Variants in TMOD2 observed in about 807,000 individuals in gnomAD.
The protein encoded by TMOD2 is tropomodulin 2, also known as tropomodulin-2.
A neutral mutation model predicts 39.9 loss-of-function variants in TMOD2; 22 were observed. That is an observed-to-expected ratio of 0.55 (90% CI 0.39 to 0.79). The LOEUF is 0.79. Among genes scored for constraint, TMOD2 ranks in the 30% least tolerant of loss-of-function variants. The pLI, the probability that TMOD2 is intolerant of heterozygous loss-of-function variation, is 0.00. For synonymous variants in TMOD2, 123 were observed against 146.1 expected (o/e 0.84, Z 1.14); for missense variants, 386 against 413.3 (o/e 0.93, Z 0.57).
At position 51,816,139 on chromosome 15, in the gene TMOD2, C is replaced by T. The variant is rs2056187074; in HGVS notation, c.*7685C>T. 6.6e-6 allele frequency: 1 copy of T among 152,132 alleles called. No individual in the cohort carries two copies. Among genetic ancestry groups the T allele is most frequent in the South Asian group, 2.1e-4 (1 of 4,820 alleles). 9.4% of individuals were successfully genotyped at this position (152,132 alleles called of 1,614,324 possible). A position where few individuals can be genotyped will look rare whatever the true frequency, so the allele number is the denominator to read the frequency against. On this transcript the variant is annotated 3_prime_UTR_variant, in exon 10 of 10. Coordinates refer to ENST00000249700, the MANE Select transcript of TMOD2 (RefSeq NM_014548.4). ...TAAAGTATGAAATATTATACTTTTA[C>T]CCTGGATAATTATTCAGGACCCCAG...
intron 1 of TMOD2, chr15:51,752,539 G>A (rs938235728): frequency 2.6e-5 from 4 of 152,196 alleles, no homozygotes; most frequent in Non-Finnish European, 4.4e-5. Context: ...AAGATCGGGG[G>A]AGGTGTTTTA....
chr15:51,759,156 AT>A (rs2055762243), intron 1 of TMOD2, among the ~76,000 whole-genome samples: 2 of 152,120 alleles, frequency 1.3e-5, no homozygotes, highest in African/African-American at 4.8e-5. Context: ...TAAGGACAGG[AT>A]TTGGTGATTG....
intron 7 of TMOD2, among the ~76,000 whole-genome samples, chr15:51,795,563 CT>C (rs2056042811): frequency 2.4e-5 from 2 of 82,782 alleles, no homozygotes; most frequent in Non-Finnish European, 4.8e-5. Flanking sequence ...TTCTTCTCTT[CT>C]GCTTGCTTGC....
At chr15:51,773,028 C>T (rs726158) in intron 3 of TMOD2, among the ~76,000 whole-genome samples, 60,745 of 151,990 alleles carry the variant, frequency 0.4, 12,306 homozygotes, top group Middle Eastern at 0.45. Flanking sequence ...GAGTTCCATG[C>T]AGGGATATTG....
intron 1 of TMOD2, among the ~76,000 whole-genome samples, chr15:51,762,698 C>G (rs2055789550): frequency 6.6e-6 from 1 of 152,270 alleles, no homozygotes; most frequent in Admixed American, 6.5e-5. Flanking sequence ...TTCCTCTCAT[C>G]AGCCCCTCCC....
rs1382512560 is a variant in TMOD2 at position 51,815,246 on chromosome 15, G to A, written c.*6792G>A. On this transcript the variant is annotated 3_prime_UTR_variant, in exon 10 of 10. Transcript: ENST00000249700. ...CACTGCACTCCAGCCTGGGTGACAA[G>A]AACGAAACTCCATCTCAAAAAATAA... The A allele has an allele frequency of 6.4e-6, 1 of 156,736 alleles. No individual in the cohort carries two copies. The highest frequency in any genetic ancestry group is 1.8e-4 in the East Asian group (1 of 5,410). 9.7% of individuals were successfully genotyped at this position (156,736 alleles called of 1,614,324 possible).
intron 4 of TMOD2, 96 bp from the exon 5 acceptor site, chr15:51,776,836 A>C (rs1567239290): frequency 2.0e-6 from 2 of 984,322 alleles, no homozygotes; most frequent in Non-Finnish European, 3.2e-6. Flanking sequence ...ACTTATCTTT[A>C]TGATGTAAAG....
rs572350293 is a variant in TMOD2 at position 51,810,677 on chromosome 15, C to T, written c.*2223C>T. ...AGAACATTTCTCTTAGATGTCTTTT[C>T]TCCTCTTTGGATTTGTTACAAACCT... On this transcript the variant is annotated 3_prime_UTR_variant, in exon 10 of 10. Transcript: ENST00000249700. 1.3e-5 allele frequency: 2 copies of T among 151,798 alleles called. No individual in the cohort carries two copies. The highest frequency in any genetic ancestry group is 2.9e-5 in the Non-Finnish European group (2 of 67,946). 9.4% of individuals were successfully genotyped at this position (151,798 alleles called of 1,614,324 possible). A position where few individuals can be genotyped will look rare whatever the true frequency, so the allele number is the denominator to read the frequency against.
intron 9 of TMOD2, among the ~76,000 whole-genome samples, chr15:51,807,787 C>A (rs544487057): frequency 6.6e-6 from 1 of 152,238 alleles, no homozygotes; most frequent in African/African-American, 2.4e-5. Flanking sequence ...AGCCCTCTTC[C>A]CAGTGACCAG....
In TMOD2 at chr15:51,815,469, T is replaced by C. The variant is rs2056183466; in HGVS notation, c.*7015T>C. ...AGTCAATCAAAAGTATACTGTGCAA[T>C]TGAGAGAGGCTGGCCCAAGATTTAA... On this transcript the variant is annotated 3_prime_UTR_variant, in exon 10 of 10. Transcript: ENST00000249700. 6.6e-6 allele frequency: 1 copy of C among 152,092 alleles called. No individual in the cohort carries two copies. The highest frequency in any genetic ancestry group is 2.1e-4 in the South Asian group (1 of 4,822). 9.4% of individuals were successfully genotyped at this position (152,092 alleles called of 1,614,324 possible).
chr15:51,808,360 A>G (rs2056133970), intron 9 of TMOD2, 60 bp from the exon 10 acceptor site: 29 of 1,386,834 alleles, frequency 2.1e-5, no homozygotes, highest in Non-Finnish European at 2.9e-5. Flanking sequence ...AATGTTGTTT[A>G]TCTGGAATTT....
At position 51,795,569 on chromosome 15, in the gene TMOD2, G is replaced by GCTTT. The variant is rs1491429760; in HGVS notation, c.733-2625_733-2624insTCTT. Reference sequence around the variant, plus strand: ...TTTGATAACTTCTTCTCTTCTGCTTGCTTGCTTGCTTTCTTTCTTTCTTTC... The same window carrying GCTTT: ...TTTGATAACTTCTTCTCTTCTGCTTGCTTTCTTGCTTGCTTTCTTTCTTTCTTTC... On this transcript the variant is annotated intron_variant, in intron 7 of 9. Coordinates refer to ENST00000249700, the MANE Select transcript of TMOD2 (RefSeq NM_014548.4). 6.8e-3 allele frequency among the ~76,000 whole-genome samples: 287 copies of GCTTT among 42,308 alleles called. 2 individuals are homozygous for GCTTT. Among genetic ancestry groups the GCTTT allele is most frequent in the Middle Eastern group, 0.024 (2 of 84 alleles). 27.8% of individuals were successfully genotyped at this position (42,308 alleles called of 152,430 possible). A position where few individuals can be genotyped will look rare whatever the true frequency, so the allele number is the denominator to read the frequency against.
intron 8 of TMOD2, among the ~76,000 whole-genome samples, chr15:51,805,120 A>G (rs1194247708): frequency 6.6e-6 from 1 of 151,732 alleles, no homozygotes; most frequent in Non-Finnish European, 1.5e-5. Context: ...CACCATGCCC[A>G]GCAAATTTTT....
At chr15:51,780,980 G>T in intron 5 of TMOD2, 64 bp from the exon 6 acceptor site, 1 of 1,385,860 alleles carries the variant, frequency 7.2e-7, no homozygotes, top group Non-Finnish European at 9.8e-7. Flanking sequence ...CATTTTTTGG[G>T]AAGTCACCAC....
intron 4 of TMOD2, 94 bp from the exon 5 acceptor site, chr15:51,776,838 G>T (rs1390468274): frequency 4.0e-6 from 4 of 988,930 alleles, no homozygotes; most frequent in Non-Finnish European, 6.5e-6. Context: ...TTATCTTTAT[G>T]ATGTAAAGAA....
At chr15:51,768,729 C>T (rs1157815257) in intron 3 of TMOD2, among the ~76,000 whole-genome samples, 1 of 147,938 alleles carries the variant, frequency 6.8e-6, no homozygotes, top group Non-Finnish European at 1.5e-5. Context: ...AGCCCATGAA[C>T]TAGATTCAGT....
chr15:51,785,224 A>G (rs1398750859), intron 7 of TMOD2, among the ~76,000 whole-genome samples: 1 of 151,398 alleles, frequency 6.6e-6, no homozygotes, highest in Non-Finnish European at 1.5e-5. Flanking sequence ...CATCCTGGCT[A>G]ACAAGGTGAA....
At chr15:51,797,821 A>G (rs1163372431) in intron 7 of TMOD2, among the ~76,000 whole-genome samples, 1 of 151,482 alleles carries the variant, frequency 6.6e-6, no homozygotes, top group African/African-American at 2.4e-5. Flanking sequence ...AAGGAAAAAA[A>G]CTGGGTTTTC....
intron 8 of TMOD2, among the ~76,000 whole-genome samples, chr15:51,803,380 C>T (rs1398435718): frequency 1.3e-5 from 2 of 151,960 alleles, no homozygotes; most frequent in Non-Finnish European, 2.9e-5. Context: ...AGAATTTCAC[C>T]ATGTTCACCA....
Sources: gnomAD v4.1 joint callset for allele counts (sites outside exome capture counted in the v4.1 genomes callset) on GRCh38, gnomAD v4.1.1 for gene constraint, MANE v1.5 for transcripts, NCBI Gene and HGNC (gene_info 2026-07-23, HGNC 2026-07-21) for gene names.